Variants in RFTN1 observed in about 807,000 individuals in gnomAD.
The protein encoded by RFTN1 is raftlin, lipid raft linker 1.
A neutral mutation model predicts 46.5 loss-of-function variants in RFTN1; 26 were observed. That is an observed-to-expected ratio of 0.56 (90% CI 0.41 to 0.78). The LOEUF (loss-of-function observed/expected upper bound fraction) is 0.78. Among genes scored for constraint, RFTN1 ranks in the 30% least tolerant of loss-of-function variants. RFTN1 has a pLI of 0.00. For missense variants in RFTN1, 693 were observed against 718.7 expected, an observed-to-expected ratio of 0.96 and a Z score of 0.41; for synonymous variants, 261 against 284.2, an observed-to-expected ratio of 0.92 and a Z score of 0.82.
rs1041048978 is a variant in RFTN1, at chr3:16,433,761, A to T, written c.332+90T>A. 41 of 1,391,880 alleles carry T rather than the reference A, an allele frequency of 2.9e-5. No individual in the cohort carries two copies. The highest frequency in any genetic ancestry group is 5.7e-5 in the African/African-American group (4 of 70,220). The allele number at this position is 1,391,880 out of a possible 1,614,324, so 86.2% of individuals were successfully genotyped here. ...CCCTGAGGACAGCATGCAAATTTCA[A>T]CCCCCAACCCCATCCTCTCACTTCC... On this transcript the variant is annotated intron_variant, in intron 3 of 9. Coordinates refer to ENST00000334133, the MANE Select transcript of RFTN1 (RefSeq NM_015150.2). This position sits in a 1 kb window ranked among gnomAD's most constrained non-coding sequence, Gnocchi z 4.4.
Position 16,473,310 on chromosome 3 carries a change from A to C in RFTN1, c.145+20415T>G, listed in dbSNP as rs2076227301. Among the ~76,000 whole-genome samples, 1 of 152,186 alleles carries C rather than the reference A, an allele frequency of 6.6e-6. No homozygotes were observed. The highest frequency in any genetic ancestry group is 6.5e-5 in the Admixed American group (1 of 15,284). ...ATGTCCACATATTGATCATCTTATCACACCTATTGAAAAATCCAGTAAGAC... is the reference window on the plus strand; with the variant it reads ...ATGTCCACATATTGATCATCTTATCCCACCTATTGAAAAATCCAGTAAGAC... On this transcript the variant is annotated intron_variant, in intron 2 of 9. Transcript: ENST00000334133. This position sits in a 1 kb window ranked among gnomAD's most constrained non-coding sequence, Gnocchi z 5.3.
Position 16,380,656 on chromosome 3 carries a change from C to G in RFTN1, c.442-2554G>C, listed in dbSNP as rs1231955189. Among the ~76,000 whole-genome samples the G allele has an allele frequency of 1.3e-5, 2 of 152,158 alleles. No homozygotes were observed. Among genetic ancestry groups the G allele is most frequent in the Non-Finnish European group, 2.9e-5 (2 of 68,028 alleles). The stretch of plus-strand genomic sequence containing the variant: ...CAAATTCTCAGGCCCCACCACAGAC[C>G]TACTGAGTCAGAAACTCTGAGGGTG... On this transcript the variant is annotated intron_variant, in intron 4 of 9. Transcript: ENST00000334133. The surrounding 1 kb of genome is among the most constrained non-coding windows in gnomAD (Gnocchi z 4.8).
rs1156977990 is a variant in RFTN1, at chr3:16,466,527, C to T, written c.145+27198G>A. The stretch of plus-strand genomic sequence containing the variant: ...CTGTTCTTTGATGAACACTTAAGGC[C>T]GTTTCAGAGAAGCAGCCATTACACC... On this transcript the variant is annotated intron_variant, in intron 2 of 9. Coordinates refer to ENST00000334133, the MANE Select transcript of RFTN1 (RefSeq NM_015150.2). This position sits in a 1 kb window ranked among gnomAD's most constrained non-coding sequence, Gnocchi z 5.6. Among the ~76,000 whole-genome samples the T allele has an allele frequency of 6.6e-6, 1 of 152,138 alleles. No individual in the cohort carries two copies. Among genetic ancestry groups the T allele is most frequent in the Non-Finnish European group, 1.5e-5 (1 of 68,022 alleles).
Position 16,321,158 on chromosome 3 carries a change from G to T in RFTN1, c.1332+2218C>A, listed in dbSNP as rs1021769036. On this transcript the variant is annotated intron_variant, in intron 9 of 9. Coordinates refer to ENST00000334133, the MANE Select transcript of RFTN1 (RefSeq NM_015150.2). The surrounding 1 kb of genome is among the most constrained non-coding windows in gnomAD (Gnocchi z 4.8). ...AGATAGGGTGGCGGTTGGCCAGGTG[G>T]GCGAGGTATGGGGAGGGGGACAGTC... Among the ~76,000 whole-genome samples the T allele has an allele frequency of 6.6e-6, 1 of 152,118 alleles. No homozygotes were observed. Among genetic ancestry groups the T allele is most frequent in the Non-Finnish European group, 1.5e-5 (1 of 68,008 alleles).
At chr3:16,362,691 T>C (rs2072908545) in intron 6 of RFTN1, among the ~76,000 whole-genome samples, 1 of 152,222 alleles carries the variant, frequency 6.6e-6, no homozygotes, top group Non-Finnish European at 1.5e-5. Context: ...AGCCTCTACA[T>C]ACAGATCTTC....
chr3:16,333,699 G>A (rs565427883), intron 7 of RFTN1, among the ~76,000 whole-genome samples: 1 of 151,980 alleles, frequency 6.6e-6, no homozygotes, highest in Non-Finnish European at 1.5e-5. Context: ...ATGACAAAAT[G>A]GAAAAATGTT....
Position 16,345,829 on chromosome 3 carries a change from T to TGTGTGTGTGTGTGTGTGTGC in RFTN1, c.1146+12102_1146+12103insGCACACACACACACACACAC, listed in dbSNP as rs758493435. On this transcript the variant is annotated intron_variant, in intron 7 of 9. Coordinates refer to ENST00000334133, the MANE Select transcript of RFTN1 (RefSeq NM_015150.2). This position sits in a 1 kb window ranked among gnomAD's most constrained non-coding sequence, Gnocchi z 5.2. The stretch of plus-strand genomic sequence containing the variant: ...GTGTGTGTGTGTGTGCGCGCGCGCG[T>TGTGTGTGTGTGTGTGTGTGC]GCGCGCACGCGCACATGTGCATGTG... Among the ~76,000 whole-genome samples, 2 of 69,826 alleles carry TGTGTGTGTGTGTGTGTGTGC rather than the reference T, an allele frequency of 2.9e-5. No homozygotes were observed. The highest frequency in any genetic ancestry group is 1.1e-4 in the African/African-American group (2 of 18,858). The allele number at this position is 69,826 out of a possible 152,430, so 45.8% of individuals were successfully genotyped here.
At chr3:16,434,361 TAAAC>T (rs138527155) in intron 2 of RFTN1, among the ~76,000 whole-genome samples, 70,717 of 137,930 alleles carry the variant, frequency 0.51, 17,779 homozygotes, top group South Asian at 0.66. Context: ...CGGTCTCTCT[TAAAC>T]AAACAAACAA....
At chr3:16,386,819 T>C (rs1352214276) in intron 4 of RFTN1, among the ~76,000 whole-genome samples, 2 of 152,030 alleles carry the variant, frequency 1.3e-5, no homozygotes, top group Non-Finnish European at 2.9e-5. Context: ...CGGAAGTAAC[T>C]GCAGAGCTCA....
chr3:16,491,767 A>G (rs1452148437), intron 2 of RFTN1, among the ~76,000 whole-genome samples: 1 of 150,574 alleles, frequency 6.6e-6, no homozygotes, highest in Non-Finnish European at 1.5e-5. Context: ...CAAACAAACA[A>G]ACAAAACAAA....
Position 16,342,173 on chromosome 3 carries a change from C to A in RFTN1, c.1147-15297G>T, listed in dbSNP as rs567623182. Among the ~76,000 whole-genome samples, 1 of 152,080 alleles carries A rather than the reference C, an allele frequency of 6.6e-6. No homozygotes were observed. The highest frequency in any genetic ancestry group is 1.5e-5 in the Non-Finnish European group (1 of 68,028). ...ACTTTCATCACCCCCCACACCAATACCCTGTACCTATTAGCAGTCACTCCC... is the reference window on the plus strand; with the variant it reads ...ACTTTCATCACCCCCCACACCAATAACCTGTACCTATTAGCAGTCACTCCC... On this transcript the variant is annotated intron_variant, in intron 7 of 9. Transcript: ENST00000334133. This position sits in a 1 kb window ranked among gnomAD's most constrained non-coding sequence, Gnocchi z 4.0.
intron 1 of RFTN1, among the ~76,000 whole-genome samples, chr3:16,496,584 A>G (rs2124997844): frequency 6.6e-6 from 1 of 152,272 alleles, no homozygotes; most frequent in South Asian, 2.1e-4. Flanking sequence ...ATAATACCAA[A>G]TGTTGGCAAG....
chr3:16,345,301 T>TGTGTGTGTGTGTGTGTGTG lies in RFTN1; in HGVS notation c.1146+12630_1146+12631insCACACACACACACACACAC, dbSNP rs1559842639. 7.5e-5 allele frequency: 11 copies of TGTGTGTGTGTGTGTGTGTG among 146,424 alleles called. No individual in the cohort carries two copies. Among genetic ancestry groups the TGTGTGTGTGTGTGTGTGTG allele is most frequent in the African/African-American group, 2.7e-4 (11 of 40,318 alleles). The allele number at this position is 146,424 out of a possible 1,614,324, so 9.1% of individuals were successfully genotyped here. A position where few individuals can be genotyped will look rare whatever the true frequency, so the allele number is the denominator to read the frequency against. Reference sequence around the variant, plus strand: ...GTGTGTGTGTGTGTGTGTGTGTGTGTTTAAAGCTGTTATAGAATTATCTCC... The same window carrying TGTGTGTGTGTGTGTGTGTG: ...GTGTGTGTGTGTGTGTGTGTGTGTGTGTGTGTGTGTGTGTGTGTGTTAAAGCTGTTATAGAATTATCTCC... On this transcript the variant is annotated intron_variant, in intron 7 of 9. Coordinates refer to ENST00000334133, the MANE Select transcript of RFTN1 (RefSeq NM_015150.2). The surrounding 1 kb of genome is among the most constrained non-coding windows in gnomAD (Gnocchi z 5.2).
chr3:16,323,951 C>G (rs1157912999), intron 8 of RFTN1, among the ~76,000 whole-genome samples: 1 of 152,192 alleles, frequency 6.6e-6, no homozygotes, highest in Admixed American at 6.5e-5. Context: ...CAGCACCAGG[C>G]GGGCCCTGCA....
chr3:16,436,111 A>G (rs2075508397), intron 2 of RFTN1, among the ~76,000 whole-genome samples: 1 of 151,354 alleles, frequency 6.6e-6, no homozygotes, highest in Non-Finnish European at 1.5e-5. Flanking sequence ...GGTAACTTAT[A>G]TTTATCTTAT....
Position 16,457,113 on chromosome 3 carries a change from A to G in RFTN1, c.146-23076T>C, listed in dbSNP as rs185451573. 5.3e-3 allele frequency among the ~76,000 whole-genome samples: 810 copies of G among 152,328 alleles called. 6 individuals are homozygous for G. Among genetic ancestry groups the G allele is most frequent in the African/African-American group, 0.018 (765 of 41,578 alleles). On this transcript the variant is annotated intron_variant, in intron 2 of 9. Coordinates refer to ENST00000334133, the MANE Select transcript of RFTN1 (RefSeq NM_015150.2). This position sits in a 1 kb window ranked among gnomAD's most constrained non-coding sequence, Gnocchi z 4.2. Reference sequence around the variant, plus strand: ...GCTCTTTAATCTTTTACAGTTCACCACATTTGTTTTACAGCCTCTGCAAGT... The same window carrying G: ...GCTCTTTAATCTTTTACAGTTCACCGCATTTGTTTTACAGCCTCTGCAAGT...
chr3:16,412,314 A>T (rs949883936), intron 3 of RFTN1, among the ~76,000 whole-genome samples: 2 of 152,188 alleles, frequency 1.3e-5, no homozygotes, highest in Admixed American at 6.5e-5. Flanking sequence ...GAAGGGGGAA[A>T]AATCCCTAAA....
chr3:16,443,819 G>A lies in RFTN1; in HGVS notation c.146-9782C>T, dbSNP rs1489408733. 6.6e-6 allele frequency among the ~76,000 whole-genome samples: 1 copy of A among 151,528 alleles called. No individual in the cohort carries two copies. Among genetic ancestry groups the A allele is most frequent in the Non-Finnish European group, 1.5e-5 (1 of 67,822 alleles). ...GTAAAAATTCAGTGTCCAGGTATTT[G>A]TAAGGAGACTGACTCAACAATTTCC... On this transcript the variant is annotated intron_variant, in intron 2 of 9. Transcript: ENST00000334133. The surrounding 1 kb of genome is among the most constrained non-coding windows in gnomAD (Gnocchi z 5.5).
Position 16,465,123 on chromosome 3 carries a change from TTC to T in RFTN1, c.145+28600_145+28601del, listed in dbSNP as rs2076067039. On this transcript the variant is annotated intron_variant, in intron 2 of 9. Coordinates refer to ENST00000334133, the MANE Select transcript of RFTN1 (RefSeq NM_015150.2). This position sits in a 1 kb window ranked among gnomAD's most constrained non-coding sequence, Gnocchi z 5.1. ...TCTCAGCGAACACAATTAAGGGTCTTTCTATTTTTGGAATATTTGGGGAATTT... is the reference window on the plus strand; with the variant it reads ...TCTCAGCGAACACAATTAAGGGTCTTTATTTTTGGAATATTTGGGGAATTT... Among the ~76,000 whole-genome samples the T allele has an allele frequency of 6.6e-6, 1 of 152,112 alleles. No individual in the cohort carries two copies. Among genetic ancestry groups the T allele is most frequent in the Non-Finnish European group, 1.5e-5 (1 of 68,024 alleles).
Sources: allele counts gnomAD v4.1 joint callset (sites outside exome capture counted in the v4.1 genomes callset), GRCh38; gene constraint gnomAD v4.1.1; non-coding constraint Gnocchi (gnomAD v3.1); transcripts MANE v1.5; gene names NCBI Gene and HGNC (gene_info 2026-07-23, HGNC 2026-07-21).